The following USP35 variants were observed in gnomAD, a reference collection of about 807,000 sequenced individuals.
The protein encoded by USP35 is ubiquitin specific peptidase 35, also known as ubiquitin carboxyl-terminal hydrolase 35.
USP35 carries 69 observed loss-of-function variants against 83.8 expected under a neutral mutation model. The ratio of observed to expected loss-of-function variants is 0.82; its 90% confidence interval spans 0.68 to 1.01. USP35 has a LOEUF of 1.01. Among genes scored for constraint, USP35 ranks in the 50% least tolerant of loss-of-function variants. The pLI is 0.00. For missense variants in USP35, 1,503 were observed against 1,362.5 expected, an observed-to-expected ratio of 1.10 and a Z score of -1.62; for synonymous variants, 714 against 589.5, an observed-to-expected ratio of 1.21 and a Z score of -3.06.
At chr11:78,226,414 C>A in the USP35 span, 11 of 1,399,194 alleles carry the variant, frequency 7.9e-6, no homozygotes, top group Middle Eastern at 7.1e-4. Flanking sequence ...TATTGAGAAC[C>A]CCTGTGTTAC....
chr11:78,233,820 G>T, the USP35 span, among the ~76,000 whole-genome samples: 37 of 152,262 alleles, frequency 2.4e-4, no homozygotes, highest in African/African-American at 7.2e-4. Context: ...CACCATATTG[G>T]CCAGGCTGGT....
the USP35 span, among the ~76,000 whole-genome samples, chr11:78,229,759 CA>C: frequency 1.3e-5 from 2 of 152,226 alleles, no homozygotes; most frequent in Non-Finnish European, 2.9e-5. Flanking sequence ...CTCTAGGATC[CA>C]AACCAAACTT....
chr11:78,200,157 A>G lies in USP35; in HGVS notation c.961A>G (p.Ile321Val), dbSNP rs1332333374. ...GGTTTTCTCTAAGCTGCTGTACCCCATCGTCCGGGGAGCTGCCTTGTCTGT... is the reference window on the plus strand; with the variant it reads ...GGTTTTCTCTAAGCTGCTGTACCCCGTCGTCCGGGGAGCTGCCTTGTCTGT... ...EKVFSKLLYP[I>V]VRGAALSVLK... is the part of the protein sequence containing the mutation. The change falls in exon 5 of 11, where the codon ATC (isoleucine) becomes GTC (valine). Residue 321 changes from isoleucine (I) to valine (V), a missense_variant. Transcript: ENST00000529308. 1.9e-6 allele frequency: 3 copies of G among 1,614,084 alleles called. No homozygotes were observed. Among genetic ancestry groups the G allele is most frequent in the Non-Finnish European group, 2.5e-6 (3 of 1,180,010 alleles).
At chr11:78,191,385 A>G (rs144712203) in intron 1 of USP35, among the ~76,000 whole-genome samples, 1 of 152,242 alleles carries the variant, frequency 6.6e-6, no homozygotes, top group African/African-American at 2.4e-5. Flanking sequence ...TCAGGCTGTC[A>G]TGCCAGTAGG....
At chr11:78,219,029 T>C (rs189506168), downstream of USP35, 368 of 489,950 alleles carry the variant, frequency 7.5e-4, 1 homozygote, top group African/African-American at 6.3e-3. Context: ...CTAAGGTGGG[T>C]GGAGGCATGG....
rs566039046 is a variant in USP35 at position 78,196,820 on chromosome 11, C to T, written c.575C>T (p.Ala192Val). The stretch of plus-strand genomic sequence containing the variant: ...GGCGCCGTGGAGTTCCTAGAGCAGG[C>T]CCAGCAGGTGAGCGGGCTCCTGGCG... ...EEGAVEFLEQAQQVSGLLAQL... is the reference protein window; with the variant it reads ...EEGAVEFLEQVQQVSGLLAQL... Residue 192 changes from alanine (A) to valine (V), a missense_variant, in exon 2 of 11, where the codon GCC becomes GTC. Transcript: ENST00000529308. The surrounding 1 kb of genome is among the most constrained non-coding windows in gnomAD (Gnocchi z 4.8). 6.3e-5 allele frequency: 97 copies of T among 1,532,524 alleles called. No individual in the cohort carries two copies. In the Admixed American group the frequency reaches 1.3e-3, roughly 20 times the overall value. The allele number at this position is 1,532,524 out of a possible 1,614,324, so 94.9% of individuals were successfully genotyped here.
At position 78,208,874 on chromosome 11, in the gene USP35, A is replaced by G; in HGVS notation, c.1503A>G (p.Pro501=). The G allele has an allele frequency of 1.9e-6, 3 of 1,614,194 alleles. No individual in the cohort carries two copies. The highest frequency in any genetic ancestry group is 1.3e-5 in the African/African-American group (1 of 75,038). Residue 501 remains proline, a synonymous_variant, in exon 9 of 11, where the codon CCA becomes CCG. Transcript: ENST00000529308. ...TGTCCTAGCGGCCTGCCATTTCCCC[A>G]GAGAACTTCCTCTCCGCATCCTGGA... ...LEHSQRPAIS[P]ENFLSASWTP...
Position 78,213,688 on chromosome 11 carries a change from G to A in USP35, c.2932G>A (p.Ala978Thr), listed in dbSNP as rs1863910990. 2 of 1,522,826 alleles carry A rather than the reference G, an allele frequency of 1.3e-6. No homozygotes were observed. The highest frequency in any genetic ancestry group is 1.5e-5 in the African/African-American group (1 of 68,826). 94.3% of individuals were successfully genotyped at this position (1,522,826 alleles called of 1,614,324 possible). ...EARSRAAYIS[A>T]LPTSPHWGRG... The stretch of plus-strand genomic sequence containing the variant: ...CCGGAGCAGGGCGGCCTACATCTCT[G>A]CACTCCCCACATCTCCGCACTGGGG... Residue 978 changes from alanine to threonine, a missense_variant, in exon 11 of 11, where the codon GCA (alanine) becomes ACA (threonine). Transcript: ENST00000529308.
chr11:78,204,756 C>T (rs368299867), intron 6 of USP35, among the ~76,000 whole-genome samples: 177 of 152,270 alleles, frequency 1.2e-3, no homozygotes, highest in African/African-American at 4.0e-3. Flanking sequence ...GCTGGCATCT[C>T]CTTGGTTATG....
At chr11:78,220,668 A>C in the USP35 span, among the ~76,000 whole-genome samples, 1 of 152,188 alleles carries the variant, frequency 6.6e-6, no homozygotes, top group Admixed American at 6.5e-5. Flanking sequence ...ACTGTGGTTC[A>C]CTTTACTTTC....
chr11:78,193,170 T>C (rs1863050208), intron 1 of USP35, among the ~76,000 whole-genome samples: 1 of 152,114 alleles, frequency 6.6e-6, no homozygotes, highest in Admixed American at 6.5e-5. Flanking sequence ...GGACCAGGGC[T>C]GAAGGGAGAG....
At chr11:78,231,336 G>GGGGTGTGTGT in the USP35 span, among the ~76,000 whole-genome samples, 4 of 145,796 alleles carry the variant, frequency 2.7e-5, no homozygotes, top group Non-Finnish European at 4.5e-5. Flanking sequence ...GCGCGTGTGT[G>GGGGTGTGTGT]GTGTGTGTGT....
chr11:78,210,260 G>T lies in USP35; in HGVS notation c.2405G>T (p.Cys802Phe). 6.2e-7 allele frequency: 1 copy of T among 1,614,080 alleles called. No homozygotes were observed. The highest frequency in any genetic ancestry group is 8.5e-7 in the Non-Finnish European group (1 of 1,180,028). ...EKVVELSQGP[C>F]YLILTLLRFS... Reference sequence around the variant, plus strand: ...GTGGTGGAGCTGAGCCAAGGGCCGTGCTACCTCATCCTCACACTGCTGCGC... The same window carrying T: ...GTGGTGGAGCTGAGCCAAGGGCCGTTCTACCTCATCCTCACACTGCTGCGC... Residue 802 changes from cysteine (C) to phenylalanine (F), a missense_variant, in exon 10 of 11, where the codon TGC becomes TTC. Physicochemically the swap from Cys to Phe is radical, Grantham distance 205. Coordinates refer to ENST00000529308, the MANE Select transcript of USP35 (RefSeq NM_020798.4).
rs1297186659 is a variant in USP35, at chr11:78,215,029, C to CTCAAGATG, written c.*1220_*1227dup. Among the ~76,000 whole-genome samples the CTCAAGATG allele has an allele frequency of 1.3e-5, 2 of 152,098 alleles. No individual in the cohort carries two copies. The highest frequency in any genetic ancestry group is 2.9e-5 in the Non-Finnish European group (2 of 68,004). Reference sequence around the variant, plus strand: ...GAGTTTGGGCCCAATGTCACAGACCCTCAAGATGTCACATCTAAGTGACCT... The same window carrying CTCAAGATG: ...GAGTTTGGGCCCAATGTCACAGACCCTCAAGATGTCAAGATGTCACATCTAAGTGACCT... On this transcript the variant is annotated 3_prime_UTR_variant, in exon 11 of 11. Transcript: ENST00000529308.
rs1232023844 is a variant in USP35 at position 78,200,940 on chromosome 11, C to T, written c.1197+132C>T. Reference sequence around the variant, plus strand: ...TGCCTGGCTGTCTCCCATCACCTCCCCAGGTCCATCATGTGCCTCAAGCAC... The same window carrying T: ...TGCCTGGCTGTCTCCCATCACCTCCTCAGGTCCATCATGTGCCTCAAGCAC... On this transcript the variant is annotated intron_variant, in intron 6 of 10. Coordinates refer to ENST00000529308, the MANE Select transcript of USP35 (RefSeq NM_020798.4). 4 of 1,302,350 alleles carry T rather than the reference C, an allele frequency of 3.1e-6. No homozygotes were observed. In the African/African-American group the frequency reaches 4.5e-5, roughly 15 times the overall value. 80.7% of individuals were successfully genotyped at this position (1,302,350 alleles called of 1,614,324 possible).
the USP35 span, chr11:78,226,891 A>T: frequency 6.2e-7 from 1 of 1,613,958 alleles, no homozygotes; most frequent in Non-Finnish European, 8.5e-7. Flanking sequence ...CTGTCTCTGA[A>T]TTCTGTATTG....
At chr11:78,222,318 GA>G in the USP35 span, 3 of 677,942 alleles carry the variant, frequency 4.4e-6, no homozygotes, top group Non-Finnish European at 8.1e-6. Flanking sequence ...TTCACACAGG[GA>G]AACTGACGCT....
At chr11:78,190,557 G>T (rs1862973721) in intron 1 of USP35, among the ~76,000 whole-genome samples, 1 of 152,250 alleles carries the variant, frequency 6.6e-6, no homozygotes, top group Non-Finnish European at 1.5e-5. Flanking sequence ...CCTTGGTTCT[G>T]TACTGGGCAC....
intron 7 of USP35, among the ~76,000 whole-genome samples, chr11:78,206,626 A>G (rs1278046559): frequency 6.6e-6 from 1 of 152,208 alleles, no homozygotes; most frequent in Non-Finnish European, 1.5e-5. Context: ...CTAGTGAAGG[A>G]CTAGTTTTGT....
Sources: allele counts gnomAD v4.1 joint callset (sites outside exome capture counted in the v4.1 genomes callset), GRCh38; gene constraint gnomAD v4.1.1; non-coding constraint Gnocchi (gnomAD v3.1); transcripts MANE v1.5; gene names NCBI Gene and HGNC (gene_info 2026-07-23, HGNC 2026-07-21).